Variants in ETV6 observed in about 807,000 individuals in gnomAD.
The protein encoded by ETV6 is transcription factor ETV6.
A neutral mutation model predicts 51.1 loss-of-function variants in ETV6; 16 were observed. The ratio of observed to expected loss-of-function variants is 0.31; its 90% CI spans 0.21 to 0.48. The LOEUF is 0.48. Ranked by LOEUF, ETV6 falls within the 20% of genes least tolerant of loss-of-function variation. ETV6 has a pLI of 0.99. For missense variants in ETV6, 458 were observed against 594.8 expected (o/e 0.77, Z 2.39); for synonymous variants, 240 against 224.1 (o/e 1.07, Z -0.64).
intron 2 of ETV6, chr12:11,826,376 A>T (rs960425143): frequency 6.6e-6 from 1 of 152,204 alleles, no homozygotes; most frequent in Non-Finnish European, 1.5e-5. Flanking sequence ...TCACATCTAT[A>T]TTGTTAACAC....
At chr12:11,663,777 G>A (rs1864144872) in intron 1 of ETV6, among the ~76,000 whole-genome samples, 1 of 152,072 alleles carries the variant, frequency 6.6e-6, no homozygotes, top group Non-Finnish European at 1.5e-5. Context: ...GTGTGTATGT[G>A]TGTGTGTGTG....
At chr12:11,693,070 A>G (rs1388719472) in intron 1 of ETV6, among the ~76,000 whole-genome samples, 1 of 152,216 alleles carries the variant, frequency 6.6e-6, no homozygotes, top group Non-Finnish European at 1.5e-5. Flanking sequence ...ATTTAAAAAT[A>G]AAATAGAATG....
chr12:11,812,711 A>G (rs886469143), intron 2 of ETV6, among the ~76,000 whole-genome samples: 6 of 152,090 alleles, frequency 3.9e-5, no homozygotes, highest in African/African-American at 1.4e-4. Flanking sequence ...CATTCCTAGG[A>G]CTGTAACAAA....
chr12:11,821,577 C>T (rs1210864236), intron 2 of ETV6, among the ~76,000 whole-genome samples: 1 of 152,036 alleles, frequency 6.6e-6, no homozygotes. Context: ...TGGCTCATGC[C>T]TGTAATCCCA....
At chr12:11,723,854 TAAA>T (rs1213273743) in intron 1 of ETV6, among the ~76,000 whole-genome samples, 1 of 152,042 alleles carries the variant, frequency 6.6e-6, no homozygotes, top group Non-Finnish European at 1.5e-5. Context: ...CAAAAATCTT[TAAA>T]ACGAGTATTC....
intron 4 of ETV6, among the ~76,000 whole-genome samples, chr12:11,859,763 A>G (rs1946686902): frequency 6.6e-6 from 1 of 152,212 alleles, no homozygotes; most frequent in Admixed American, 6.5e-5. Context: ...CCCTGAAAAT[A>G]GAGCACATGA....
Position 11,752,734 on chromosome 12 carries a change from G to A in ETV6, c.163+155G>A, listed in dbSNP as rs2724601. 822,553 of 850,944 alleles carry A rather than the reference G, an allele frequency of 0.97. 398,268 individuals are homozygous for A. Among genetic ancestry groups the A allele is most frequent in the Non-Finnish European group, 0.98 (577,974 of 588,448 alleles). The allele number at this position is 850,944 out of a possible 1,614,324, so 52.7% of individuals were successfully genotyped here. A position where few individuals can be genotyped will look rare whatever the true frequency, so the allele number is the denominator to read the frequency against. On this transcript the variant is annotated intron_variant, in intron 2 of 7. Transcript: ENST00000396373. ...AATCTTTCACACCCCCCTACCCCCAGATACCTTTGAAAAATTTGAGGTTCC... is the reference window on the plus strand; with the variant it reads ...AATCTTTCACACCCCCCTACCCCCAAATACCTTTGAAAAATTTGAGGTTCC...
chr12:11,785,498 G>A (rs190118237), intron 2 of ETV6, among the ~76,000 whole-genome samples: 6 of 152,022 alleles, frequency 3.9e-5, no homozygotes, highest in South Asian at 2.1e-4. Context: ...TTTCTGTTTC[G>A]TTCATTGCTG....
chr12:11,747,901 T>C (rs1489652712), intron 1 of ETV6, among the ~76,000 whole-genome samples: 1 of 152,262 alleles, frequency 6.6e-6, no homozygotes, highest in Non-Finnish European at 1.5e-5. Context: ...TAAATACTTG[T>C]GTATTCAGAC....
intron 5 of ETV6, 124 bp from the exon 6 acceptor site, chr12:11,884,321 T>C (rs1947154368): frequency 9.5e-7 from 1 of 1,057,846 alleles, no homozygotes; most frequent in African/African-American, 1.6e-5. Context: ...ACAAGGAAGT[T>C]AGTTAGACAA....
intron 1 of ETV6, among the ~76,000 whole-genome samples, chr12:11,662,776 A>G (rs1236443982): frequency 6.6e-6 from 1 of 152,210 alleles, no homozygotes; most frequent in East Asian, 1.9e-4. Flanking sequence ...CTAAATGCCA[A>G]ATAGATAATT....
chr12:11,841,504 T>A (rs1469577638), intron 3 of ETV6, among the ~76,000 whole-genome samples: 3 of 152,150 alleles, frequency 2.0e-5, no homozygotes, highest in African/African-American at 4.8e-5. Context: ...GCCCACCTGA[T>A]GAGTAGAAGA....
chr12:11,865,076 C>A (rs193150041), intron 4 of ETV6, among the ~76,000 whole-genome samples: 61 of 152,136 alleles, frequency 4.0e-4, no homozygotes, highest in Non-Finnish European at 1.3e-4. Flanking sequence ...ATGGTGAAAC[C>A]CTGTCTTTAC....
intron 2 of ETV6, among the ~76,000 whole-genome samples, chr12:11,805,491 A>G (rs1029466899): frequency 1.1e-4 from 17 of 151,048 alleles, no homozygotes; most frequent in South Asian, 2.1e-4. Context: ...TTGATGTAGC[A>G]GTACAGGATG....
At chr12:11,860,064 C>T (rs138583794) in intron 4 of ETV6, among the ~76,000 whole-genome samples, 3 of 152,124 alleles carry the variant, frequency 2.0e-5, no homozygotes, top group Non-Finnish European at 4.4e-5. Context: ...AGCCAGGCAC[C>T]GGCTTCTGAG....
At chr12:11,681,065 A>C (rs1591604780) in intron 1 of ETV6, among the ~76,000 whole-genome samples, 2 of 152,316 alleles carry the variant, frequency 1.3e-5, no homozygotes, top group East Asian at 3.9e-4. Flanking sequence ...GAAGCCTCCT[A>C]GGCAAGACTC....
intron 1 of ETV6, among the ~76,000 whole-genome samples, chr12:11,650,481 T>TAAAAAAAAAAAAAAAAAAAA (rs367594605): frequency 2.5e-4 from 11 of 43,326 alleles, no homozygotes; most frequent in Admixed American, 3.4e-4. Flanking sequence ...TTAGTGCGCT[T>TAAAAAAAAAAAAAAAAAAAA]AAAAAAAAAA....
chr12:11,734,657 A>G (rs906337267), intron 1 of ETV6, among the ~76,000 whole-genome samples: 7 of 152,150 alleles, frequency 4.6e-5, no homozygotes, highest in Admixed American at 1.3e-4. Flanking sequence ...TGCTCCAGGC[A>G]CTATGCAAAA....
chr12:11,844,839 C>CT (rs1196875295), intron 3 of ETV6, among the ~76,000 whole-genome samples: 1,695 of 142,702 alleles, frequency 0.012, 29 homozygotes, highest in African/African-American at 0.038. Context: ...TATTTCTTTT[C>CT]TTTTTTTTTT....
Sources: allele counts gnomAD v4.1 joint callset (sites outside exome capture counted in the v4.1 genomes callset), GRCh38; gene constraint gnomAD v4.1.1; transcripts MANE v1.5; gene names NCBI Gene and HGNC (gene_info 2026-07-23, HGNC 2026-07-21).